The following GPATCH8 variants were observed in gnomAD, a reference collection of about 807,000 sequenced individuals.
GPATCH8 encodes the protein G-patch domain containing 8, also known as G patch domain-containing protein 8.
GPATCH8 carries 18 observed loss-of-function variants against 118.3 expected under a neutral mutation model. That is an observed-to-expected ratio of 0.15 (90% confidence interval 0.11 to 0.23). The LOEUF (loss-of-function observed/expected upper bound fraction) is 0.23. Among genes scored for constraint, GPATCH8 ranks in the 10% least tolerant of loss-of-function variants. The pLI, the probability that GPATCH8 is intolerant of heterozygous loss-of-function variation, is 1.00. For missense variants in GPATCH8, 1,631 were observed against 1,873.8 expected, an observed-to-expected ratio of 0.87 and a Z score of 2.39; for synonymous variants, 659 against 684.7, an observed-to-expected ratio of 0.96 and a Z score of 0.59.
intron 7 of GPATCH8, among the ~76,000 whole-genome samples, chr17:44,405,568 G>C (rs968940647): frequency 2.0e-5 from 3 of 147,866 alleles, no homozygotes; most frequent in Non-Finnish European, 4.5e-5. Context: ...ACAGTGGTGC[G>C]ATCTTGGCTC....
chr17:44,487,359 T>C (rs933497442), intron 1 of GPATCH8, among the ~76,000 whole-genome samples: 9 of 152,362 alleles, frequency 5.9e-5, no homozygotes, highest in Non-Finnish European at 1.2e-4. Flanking sequence ...TAGGGCTGAA[T>C]AATATTCCAT....
intron 3 of GPATCH8, among the ~76,000 whole-genome samples, chr17:44,447,836 C>T (rs917075632): frequency 5.3e-5 from 8 of 152,152 alleles, no homozygotes; most frequent in African/African-American, 1.9e-4. Flanking sequence ...CCAAAAGAGA[C>T]AACAAATGGA....
intron 5 of GPATCH8, among the ~76,000 whole-genome samples, chr17:44,426,388 A>G (rs1374769804): frequency 6.6e-6 from 1 of 152,182 alleles, no homozygotes; most frequent in East Asian, 1.9e-4. Flanking sequence ...AGATGGCTTG[A>G]GCTCAGGAGT....
At chr17:44,455,536 G>C (rs1346711841) in intron 3 of GPATCH8, among the ~76,000 whole-genome samples, 1 of 151,348 alleles carries the variant, frequency 6.6e-6, no homozygotes, top group Non-Finnish European at 1.5e-5. Flanking sequence ...AATTAAATGA[G>C]CATATTAATA....
At chr17:44,452,673 T>C (rs2051160234) in intron 3 of GPATCH8, among the ~76,000 whole-genome samples, 1 of 152,190 alleles carries the variant, frequency 6.6e-6, no homozygotes, top group Non-Finnish European at 1.5e-5. Flanking sequence ...ATTATTTTAT[T>C]TCCATCACCA....
At chr17:44,483,641 CTTTA>C (rs201211712) in intron 1 of GPATCH8, among the ~76,000 whole-genome samples, 3,011 of 151,108 alleles carry the variant, frequency 0.02, 102 homozygotes, top group African/African-American at 0.069. Flanking sequence ...CAGAAATTTA[CTTTA>C]TTTTTTATTT....
intron 3 of GPATCH8, among the ~76,000 whole-genome samples, chr17:44,452,823 A>G (rs1294502526): frequency 6.7e-6 from 1 of 148,768 alleles, no homozygotes; most frequent in Non-Finnish European, 1.5e-5. Context: ...CTTATCTTCA[A>G]TATCTTTTTT....
chr17:44,455,500 CA>C (rs886066301), intron 3 of GPATCH8, among the ~76,000 whole-genome samples: 72 of 134,722 alleles, frequency 5.3e-4, no homozygotes, highest in South Asian at 1.4e-3. Context: ...AACTCTATCT[CA>C]AAAAAAAAAA....
At position 44,398,628 on chromosome 17, in the gene GPATCH8, T is replaced by C; in HGVS notation, c.3449A>G (p.Lys1150Arg). Residue 1150 changes from lysine to arginine, a missense_variant, in exon 8 of 8, where the codon AAG becomes AGG. Physicochemically the swap from Lys to Arg is conservative, Grantham distance 26. Transcript: ENST00000591680. ...ATTGGGCTTTCGGGTAGCTGGGAGC[T>C]TCCCTATCAGTGGAAGGACAGGCTT... is the stretch of plus-strand genomic sequence containing the variant. ...GNKPVLPLIG[K>R]LPATRKPNKK... 1 of 1,545,912 alleles carries C rather than the reference T, an allele frequency of 6.5e-7. No individual in the cohort carries two copies.
Position 44,399,126 on chromosome 17 carries a change from C to T in GPATCH8, c.2951G>A (p.Arg984Gln), listed in dbSNP as rs758173154. The T allele has an allele frequency of 8.7e-6, 14 of 1,611,414 alleles. No individual in the cohort carries two copies. Among genetic ancestry groups the T allele is most frequent in the East Asian group, 6.7e-5 (3 of 44,892 alleles). Reference protein sequence around the residue: ...SRSTTAHSWQRSRSYSRDRSR... With the variant: ...SRSTTAHSWQQSRSYSRDRSR... ...GCGGTCCCGGCTATAGCTCCGGCTCCGTTGCCAGCTGTGGGCTGTGGTGCT... is the reference window on the plus strand; with the variant it reads ...GCGGTCCCGGCTATAGCTCCGGCTCTGTTGCCAGCTGTGGGCTGTGGTGCT... The change falls in exon 8 of 8, where the codon CGG becomes CAG. Residue 984 changes from arginine (R) to glutamine (Q), a missense_variant. Coordinates refer to ENST00000591680, the MANE Select transcript of GPATCH8 (RefSeq NM_001002909.4).
At chr17:44,440,720 C>A (rs1179144295) in intron 3 of GPATCH8, among the ~76,000 whole-genome samples, 2 of 152,240 alleles carry the variant, frequency 1.3e-5, no homozygotes, top group Non-Finnish European at 2.9e-5. Flanking sequence ...CTGATTATCA[C>A]AGCCACTCTG....
chr17:44,449,224 C>T (rs959722759), intron 3 of GPATCH8, among the ~76,000 whole-genome samples: 1 of 152,050 alleles, frequency 6.6e-6, no homozygotes, highest in Admixed American at 6.5e-5. Context: ...TTGCAGTGAG[C>T]CGAGATCGCA....
chr17:44,453,551 A>C (rs1047829651), intron 3 of GPATCH8, among the ~76,000 whole-genome samples: 3 of 87,444 alleles, frequency 3.4e-5, no homozygotes, highest in African/African-American at 8.9e-5. Flanking sequence ...GTTTTGAGAC[A>C]TGCTCTCACT....
chr17:44,445,390 C>T (rs1364180694), intron 3 of GPATCH8, among the ~76,000 whole-genome samples: 2 of 152,152 alleles, frequency 1.3e-5, no homozygotes, highest in Non-Finnish European at 2.9e-5. Flanking sequence ...TTTTAAAAAA[C>T]AGGTCACAGT....
chr17:44,429,054 T>C (rs1253146763), intron 5 of GPATCH8, among the ~76,000 whole-genome samples: 2 of 151,984 alleles, frequency 1.3e-5, no homozygotes, highest in Non-Finnish European at 2.9e-5. Context: ...GGCAGGAGAA[T>C]GGCATGAACC....
At chr17:44,477,165 G>C (rs1967848803) in intron 1 of GPATCH8, among the ~76,000 whole-genome samples, 1 of 152,202 alleles carries the variant, frequency 6.6e-6, no homozygotes, top group African/African-American at 2.4e-5. Context: ...ATGATGGGGA[G>C]CTCTAACATG....
intron 3 of GPATCH8, among the ~76,000 whole-genome samples, chr17:44,458,541 T>G (rs1437807986): frequency 6.6e-6 from 1 of 152,170 alleles, no homozygotes; most frequent in African/African-American, 2.4e-5. Flanking sequence ...TTCCTTTTTT[T>G]GAGACAGGCT....
intron 1 of GPATCH8, among the ~76,000 whole-genome samples, chr17:44,482,878 C>T (rs538451887): frequency 1.3e-4 from 20 of 150,494 alleles, no homozygotes; most frequent in African/African-American, 4.4e-4. Flanking sequence ...GTGTCTAGGC[C>T]GGGCGCGGTG....
At position 44,401,186 on chromosome 17, in the gene GPATCH8, T is replaced by G; in HGVS notation, c.891A>C (p.Lys297Asn). Residue 297 changes from lysine to asparagine, a missense_variant, in exon 8 of 8, where the codon AAA becomes AAC. By Grantham distance (94) the Lys-to-Asn change is moderately conservative. Around this residue, in one of 8 missense-constraint regions of GPATCH8, gnomAD observed 405 missense variants for 462.7 expected, o/e 0.88. Coordinates refer to ENST00000591680, the MANE Select transcript of GPATCH8 (RefSeq NM_001002909.4). ...IKNNLGTPLQ[K>N]LGVSFSFAKK... Reference sequence around the variant, plus strand: ...TGGCAAAAGAAAATGACACTCCCAATTTTTGCAATGGGGTCCCCAGATTAT... The same window carrying G: ...TGGCAAAAGAAAATGACACTCCCAAGTTTTGCAATGGGGTCCCCAGATTAT... The G allele has an allele frequency of 6.2e-7, 1 of 1,614,152 alleles. No individual in the cohort carries two copies. The highest frequency in any genetic ancestry group is 8.5e-7 in the Non-Finnish European group (1 of 1,179,998).
Sources: gnomAD v4.1 joint callset for allele counts (sites outside exome capture counted in the v4.1 genomes callset) on GRCh38, gnomAD v4.1.1 for gene constraint, gnomAD v4.1.1 regional missense constraint, MANE v1.5 for transcripts, NCBI Gene and HGNC (gene_info 2026-07-23, HGNC 2026-07-21) for gene names.